The following ADAMTSL3 variants were observed in gnomAD, a reference collection of about 807,000 sequenced individuals.
ADAMTSL3 encodes the protein ADAMTS like 3, also known as ADAMTS-like protein 3.
ADAMTSL3 carries 128 observed loss-of-function variants against 201.7 expected under a neutral mutation model. That is an observed-to-expected ratio of 0.63 (90% CI 0.55 to 0.73). The LOEUF is 0.73. Among genes scored for constraint, ADAMTSL3 ranks in the 30% least tolerant of loss-of-function variants. The probability of loss-of-function intolerance (pLI) is 0.00; values close to 1 mark genes in which losing one functional copy is unlikely to be tolerated. For missense variants in ADAMTSL3, 1,990 were observed against 2,119.6 expected (o/e 0.94, Z 1.20); for synonymous variants, 738 against 748.4 (o/e 0.99, Z 0.23).
chr15:83,753,564 A>G (rs1261353326), intron 3 of ADAMTSL3, among the ~76,000 whole-genome samples: 2 of 152,182 alleles, frequency 1.3e-5, no homozygotes, highest in Admixed American at 1.3e-4. Flanking sequence ...GTGTTTTTCT[A>G]TGTGAAATGG....
chr15:83,998,320 AT>A (rs1038982450), intron 23 of ADAMTSL3, among the ~76,000 whole-genome samples: 8 of 152,242 alleles, frequency 5.3e-5, no homozygotes, highest in African/African-American at 1.9e-4. Flanking sequence ...ATAGTGGTGC[AT>A]GCCTGTAATC....
chr15:83,656,819 A>G (rs2061091171), intron 2 of ADAMTSL3, among the ~76,000 whole-genome samples: 1 of 152,216 alleles, frequency 6.6e-6, no homozygotes, highest in Non-Finnish European at 1.5e-5. Context: ...AATGTCTGTT[A>G]AATAAACATG....
intron 2 of ADAMTSL3, among the ~76,000 whole-genome samples, chr15:83,695,184 ATGATATGTGCATGATACGTTTGTG>A: frequency 2.8e-5 from 2 of 71,700 alleles, no homozygotes; most frequent in African/African-American, 5.3e-5. Context: ...TGTGATGTGC[ATGATATGTGCATGATACGTTTGTG>A]GTGTGTGTGT....
Position 83,858,748 on chromosome 15 carries a change from C to A in ADAMTSL3, c.728-18C>A, listed in dbSNP as rs370791528. The A allele has an allele frequency of 2.5e-6, 4 of 1,603,524 alleles. No individual in the cohort carries two copies. Among genetic ancestry groups the A allele is most frequent in the Non-Finnish European group, 3.4e-6 (4 of 1,174,232 alleles). On this transcript the variant is annotated intron_variant, in intron 7 of 29. Coordinates refer to ENST00000286744, the MANE Select transcript of ADAMTSL3 (RefSeq NM_207517.3). ...TAGTGTACTGGTTTTATTGCAGTTG[C>A]GTTCTGTTCTTTCCCAGGAGAAGAA...
At chr15:83,903,927 A>G (rs1336609031) in intron 15 of ADAMTSL3, among the ~76,000 whole-genome samples, 1,052 of 56,094 alleles carry the variant, frequency 0.019, 163 homozygotes, top group South Asian at 0.042. Flanking sequence ...CAAAAAAAAA[A>G]AAAAAAAAAA....
chr15:83,764,872 G>C (rs1039587331), intron 3 of ADAMTSL3, among the ~76,000 whole-genome samples: 1 of 152,138 alleles, frequency 6.6e-6, no homozygotes, highest in Non-Finnish European at 1.5e-5. Context: ...GTGCTAGCAG[G>C]AGCCACCAGA....
At chr15:83,944,004 A>G (rs1055760141) in intron 19 of ADAMTSL3, among the ~76,000 whole-genome samples, 7 of 152,114 alleles carry the variant, frequency 4.6e-5, no homozygotes, top group Admixed American at 2.0e-4. Flanking sequence ...TACTTAAGTG[A>G]CTAATAGGCA....
intron 15 of ADAMTSL3, among the ~76,000 whole-genome samples, chr15:83,908,157 G>T (rs888061029): frequency 6.6e-6 from 1 of 152,216 alleles, no homozygotes; most frequent in African/African-American, 2.4e-5. Flanking sequence ...GGATTCATAT[G>T]CTGTCATCCT....
At chr15:83,697,348 A>G (rs2061700160) in intron 2 of ADAMTSL3, among the ~76,000 whole-genome samples, 1 of 152,134 alleles carries the variant, frequency 6.6e-6, no homozygotes, top group Non-Finnish European at 1.5e-5. Flanking sequence ...ACCACTGGGT[A>G]TCCTCTATTT....
chr15:83,794,840 A>G (rs1251859495), intron 4 of ADAMTSL3, among the ~76,000 whole-genome samples: 1 of 152,006 alleles, frequency 6.6e-6, no homozygotes, highest in Non-Finnish European at 1.5e-5. Flanking sequence ...CTACAAATGC[A>G]TGTGATTTAC....
At chr15:83,823,343 C>G (rs1189823357) in intron 6 of ADAMTSL3, among the ~76,000 whole-genome samples, 2 of 152,166 alleles carry the variant, frequency 1.3e-5, no homozygotes, top group Non-Finnish European at 2.9e-5. Context: ...AGCAACCTGA[C>G]CACCTGCTAA....
At chr15:83,973,703 G>A (rs1356599878) in intron 20 of ADAMTSL3, among the ~76,000 whole-genome samples, 1 of 151,956 alleles carries the variant, frequency 6.6e-6, no homozygotes, top group Admixed American at 6.6e-5. Context: ...GAATATCAAG[G>A]CTAAAGTGGC....
chr15:83,660,778 T>C (rs1595983284), intron 2 of ADAMTSL3, among the ~76,000 whole-genome samples: 1 of 152,130 alleles, frequency 6.6e-6, no homozygotes, highest in Admixed American at 6.5e-5. Context: ...AGAAGCTCTT[T>C]AGTTTAATTA....
chr15:83,731,909 A>G (rs1001858304), intron 3 of ADAMTSL3, among the ~76,000 whole-genome samples: 10 of 152,004 alleles, frequency 6.6e-5, no homozygotes, highest in African/African-American at 2.2e-4. Context: ...GAGTAGAACT[A>G]TGGTTACCAG....
intron 7 of ADAMTSL3, among the ~76,000 whole-genome samples, chr15:83,848,333 A>G (rs975292715): frequency 6.6e-6 from 1 of 152,236 alleles, no homozygotes; most frequent in Non-Finnish European, 1.5e-5. Context: ...AAATGATCTG[A>G]TATAAATTAC....
In ADAMTSL3 at chr15:83,924,042, T is replaced by C. The variant is rs1314614966; in HGVS notation, c.2117+9T>C. 14 of 1,613,836 alleles carry C rather than the reference T, an allele frequency of 8.7e-6. No individual in the cohort carries two copies. The highest frequency in any genetic ancestry group is 1.0e-5 in the Non-Finnish European group (12 of 1,179,916). On this transcript the variant is annotated intron_variant, in intron 17 of 29. Coordinates refer to ENST00000286744, the MANE Select transcript of ADAMTSL3 (RefSeq NM_207517.3). ...GAGCCCTGTCCCCCCAGGTATGTGC[T>C]GTCTTGTGTTCCTGGTATATACCGT...
intron 12 of ADAMTSL3, among the ~76,000 whole-genome samples, 192 bp from the exon 13 acceptor site, chr15:83,892,492 T>C (rs374154867): frequency 1.3e-5 from 2 of 152,126 alleles, no homozygotes; most frequent in African/African-American, 4.8e-5. Flanking sequence ...ATTGCGCCAT[T>C]GCACTCCAGC....
chr15:83,791,616 T>A (rs1187789653), intron 4 of ADAMTSL3, among the ~76,000 whole-genome samples: 1 of 152,162 alleles, frequency 6.6e-6, no homozygotes, highest in Non-Finnish European at 1.5e-5. Context: ...CCCAACACTT[T>A]GGGAGGCCGA....
rs140550159 is a variant in ADAMTSL3, at chr15:83,655,734, A to T, written c.-28A>T. 1.6e-5 allele frequency: 26 copies of T among 1,612,670 alleles called. No individual in the cohort carries two copies. The East Asian group carries it at 5.3e-4, about 33-fold the overall frequency. On this transcript the variant is annotated 5_prime_UTR_variant, in exon 2 of 30. Coordinates refer to ENST00000286744, the MANE Select transcript of ADAMTSL3 (RefSeq NM_207517.3). ...AACTCTTTCCTCGTTTGTAGGCTACAACTGAGACCCGGAGGAGACTAGACC... is the reference window on the plus strand; with the variant it reads ...AACTCTTTCCTCGTTTGTAGGCTACTACTGAGACCCGGAGGAGACTAGACC...
Sources: gnomAD v4.1 joint callset for allele counts (sites outside exome capture counted in the v4.1 genomes callset) on GRCh38, gnomAD v4.1.1 for gene constraint, MANE v1.5 for transcripts, NCBI Gene and HGNC (gene_info 2026-07-23, HGNC 2026-07-21) for gene names.